The following POLR1A variants were observed in gnomAD, a reference collection of about 807,000 sequenced individuals.
The protein encoded by POLR1A is RNA polymerase I subunit A.
Under a neutral mutation model 205.3 loss-of-function variants are expected in POLR1A, and 84 were observed. That is an observed-to-expected ratio of 0.41 (90% CI 0.34 to 0.49). The LOEUF is 0.49. POLR1A is among the 20% of genes least tolerant of loss of function. The probability of loss-of-function intolerance (pLI) is 0.22; values close to 1 mark genes in which losing one functional copy is unlikely to be tolerated. For missense variants in POLR1A, 1,645 were observed against 2,204.5 expected (o/e 0.75, Z 5.08); for synonymous variants, 799 against 863.7 (o/e 0.93, Z 1.31).
intron 33 of POLR1A, 79 bp from the exon 34 acceptor site, chr2:86,027,602 A>G (rs1672292809): frequency 1.6e-6 from 2 of 1,284,796 alleles, no homozygotes; most frequent in Admixed American, 3.4e-5. Context: ...GGGGCTGAAC[A>G]CTGAAGTCTC....
chr2:86,036,800 A>C (rs1160867249), intron 27 of POLR1A, among the ~76,000 whole-genome samples: 1 of 152,226 alleles, frequency 6.6e-6, no homozygotes, highest in Non-Finnish European at 1.5e-5. Flanking sequence ...ACAGATTTTC[A>C]AGTTCACAAG....
chr2:86,100,851 G>C (rs1357561207), intron 1 of POLR1A, among the ~76,000 whole-genome samples: 1 of 152,108 alleles, frequency 6.6e-6, no homozygotes, highest in African/African-American at 2.4e-5. Context: ...GCATTATTTA[G>C]TCCTGATCTT....
At position 86,031,423 on chromosome 2, in the gene POLR1A, G is replaced by A. The variant is rs757460906; in HGVS notation, c.4485C>T (p.Pro1495=). ...KPTHSQEPQG[P]EAMERRVQAV... is the part of the protein sequence containing the mutation. ...CCTGGACCCGGCGCTCCATGGCCTCGGGCCCCTGGGGCTCCTGGCTGTGGG... is the reference window on the plus strand; with the variant it reads ...CCTGGACCCGGCGCTCCATGGCCTCAGGCCCCTGGGGCTCCTGGCTGTGGG... Residue 1495 remains proline, a synonymous_variant, in exon 30 of 34, where the codon CCC becomes CCT. Transcript: ENST00000263857. The A allele has an allele frequency of 1.2e-5, 19 of 1,613,702 alleles. No individual in the cohort carries two copies. The highest frequency in any genetic ancestry group is 5.5e-5 in the South Asian group (5 of 91,054).
intron 14 of POLR1A, among the ~76,000 whole-genome samples, chr2:86,059,309 A>G (rs945601802): frequency 6.6e-6 from 1 of 152,200 alleles, no homozygotes; most frequent in Non-Finnish European, 1.5e-5. Flanking sequence ...GGTCCCAATG[A>G]AAAAGCAGAC....
intron 14 of POLR1A, among the ~76,000 whole-genome samples, chr2:86,055,868 G>C (rs990656843): frequency 2.0e-5 from 3 of 152,154 alleles, no homozygotes; most frequent in African/African-American, 7.2e-5. Context: ...CTAAAGTCAG[G>C]ACCAAGACAA....
chr2:86,043,032 A>C lies in POLR1A; in HGVS notation c.3299T>G (p.Val1100Gly), dbSNP rs776350670. 1.9e-6 allele frequency: 3 copies of C among 1,614,152 alleles called. No individual in the cohort carries two copies. In the South Asian group the frequency reaches 3.3e-5, roughly 18 times the overall value. Residue 1100 changes from valine to glycine, a missense_variant, in exon 23 of 34, where the codon GTG (valine) becomes GGG (glycine). Physicochemically the swap from Val to Gly is moderately radical, Grantham distance 109. Around this residue, in one of 16 missense-constraint regions of POLR1A, gnomAD observed 201 missense variants for 222.3 expected, o/e 0.90. Coordinates refer to ENST00000263857, the MANE Select transcript of POLR1A (RefSeq NM_015425.6). ...LSYSQKIQEAVKALKLESENR... is the reference protein window; with the variant it reads ...LSYSQKIQEAGKALKLESENR... Reference sequence around the variant, plus strand: ...TTCACTCTCAAGTTTCAGGGCTTTCACAGCTTCCTGAATTTTCTGGGAATA... The same window carrying C: ...TTCACTCTCAAGTTTCAGGGCTTTCCCAGCTTCCTGAATTTTCTGGGAATA...
At chr2:86,092,171 T>C (rs1673618466) in intron 3 of POLR1A, among the ~76,000 whole-genome samples, 1 of 152,182 alleles carries the variant, frequency 6.6e-6, no homozygotes, top group African/African-American at 2.4e-5. Flanking sequence ...GTTGTGTTAT[T>C]AGGCAACACT....
chr2:86,053,750 C>G (rs926859264), intron 15 of POLR1A, among the ~76,000 whole-genome samples: 1 of 152,216 alleles, frequency 6.6e-6, no homozygotes, highest in Non-Finnish European at 1.5e-5. Flanking sequence ...ACAGCTCTCT[C>G]TGCCCTGGGC....
rs1553436048 is a variant in POLR1A at position 86,068,389 on chromosome 2, G to GGGGC, written c.1866+1628_1866+1629insGCCC. 4.2e-5 allele frequency among the ~76,000 whole-genome samples: 5 copies of GGGGC among 118,390 alleles called. 2 individuals are homozygous for GGGGC. Among genetic ancestry groups the GGGGC allele is most frequent in the Non-Finnish European group, 9.0e-5 (5 of 55,528 alleles). The allele number at this position is 118,390 out of a possible 152,430, so 77.7% of individuals were successfully genotyped here. Reference sequence around the variant, plus strand: ...CACGCACAGCCAAGCACATGGGCGGGGGGGGGGGGCGGGTGTCGTCCAAAG... The same window carrying GGGGC: ...CACGCACAGCCAAGCACATGGGCGGGGGGCGGGGGGGGGCGGGTGTCGTCCAAAG... On this transcript the variant is annotated intron_variant, in intron 13 of 33. Transcript: ENST00000263857.
Position 86,089,838 on chromosome 2 carries a change from C to A in POLR1A, c.524G>T (p.Gly175Val). 1.9e-6 allele frequency: 3 copies of A among 1,607,252 alleles called. No homozygotes were observed. Among genetic ancestry groups the A allele is most frequent in the Non-Finnish European group, 2.6e-6 (3 of 1,173,696 alleles). Residue 175 changes from glycine (G) to valine (V), a missense_variant, in exon 4 of 34, where the codon GGG becomes GTG. By Grantham distance (109) the Gly-to-Val change is moderately radical (BLOSUM62 -3). Transcript: ENST00000263857. Reference sequence around the variant, plus strand: ...TTAACTCACATGTGCGCCCTGGGACCCCAGGAGGTTGTTCTGCACAATTTC... The same window carrying A: ...TTAACTCACATGTGCGCCCTGGGACACCAGGAGGTTGTTCTGCACAATTTC... Reference protein sequence around the residue: ...TTEIVQNNLLGSQGAHVKNVC... With the variant: ...TTEIVQNNLLVSQGAHVKNVC...
In POLR1A at chr2:86,083,102, G is replaced by A. The variant is rs764135441; in HGVS notation, c.797C>T (p.Ser266Phe). The change falls in exon 7 of 34, where the codon TCT becomes TTT. Residue 266 changes from serine (S) to phenylalanine (F), a missense_variant. By Grantham distance (155) the Ser-to-Phe change is radical. Around this residue, in one of 16 missense-constraint regions of POLR1A, gnomAD observed 330 missense variants for 375.6 expected, o/e 0.88. Transcript: ENST00000263857. ...AGCACCTTCATTCTTCCACAGGGCAGAAAGGTGTTCGCGGGCACTGGTGGG... is the reference window on the plus strand; with the variant it reads ...AGCACCTTCATTCTTCCACAGGGCAAAAAGGTGTTCGCGGGCACTGGTGGG... ...LTPTSAREHLSALWKNEGFFL... is the reference protein window; with the variant it reads ...LTPTSAREHLFALWKNEGFFL... The A allele has an allele frequency of 2.0e-5, 32 of 1,613,586 alleles. No individual in the cohort carries two copies. Among genetic ancestry groups the A allele is most frequent in the Middle Eastern group, 1.6e-4 (1 of 6,084 alleles).
Position 86,070,236 on chromosome 2 carries a change from G to A in POLR1A, c.1648C>T (p.Leu550=). The part of the protein sequence containing the change: ...RHVKNGDILL[L]NRQPTLHRPS... ...CTGTGCAGTGTGGGCTGTCGGTTCA[G>A]TAGCAGAATGTCCCCATTCTTCACA... Residue 550 remains leucine, a synonymous_variant, in exon 13 of 34, where the codon CTG becomes TTG. Coordinates refer to ENST00000263857, the MANE Select transcript of POLR1A (RefSeq NM_015425.6). The surrounding 1 kb of genome is among the most constrained non-coding windows in gnomAD (Gnocchi z 4.4). 1 of 1,613,258 alleles carries A rather than the reference G, an allele frequency of 6.2e-7. No individual in the cohort carries two copies. Among genetic ancestry groups the A allele is most frequent in the Non-Finnish European group, 8.5e-7 (1 of 1,179,246 alleles).
chr2:86,045,500 C>T (rs769882593), intron 20 of POLR1A, 117 bp downstream of exon 20: 31 of 1,313,232 alleles, frequency 2.4e-5, no homozygotes, highest in Admixed American at 9.1e-5. Context: ...TTTTTGACCT[C>T]GACAGCTACA....
rs753541568 is a variant in POLR1A, at chr2:86,075,042, C to T, written c.1599G>A (p.Gln533=). 1.9e-6 allele frequency: 3 copies of T among 1,609,078 alleles called. No individual in the cohort carries two copies. Among genetic ancestry groups the T allele is most frequent in the South Asian group, 2.2e-5 (2 of 90,156 alleles). ...LTPATGAPKP[Q]GTKIVCRHVK... ...TGCCCTTACTCACAATTTTTGTCCC[C>T]TGGGGCTTAGGTGCCCCCGTGGCTG... Residue 533 remains glutamine (Q), a synonymous_variant, in exon 12 of 34, where the codon CAG becomes CAA. Coordinates refer to ENST00000263857, the MANE Select transcript of POLR1A (RefSeq NM_015425.6).
chr2:86,031,884 GGT>G (rs1411194697), intron 29 of POLR1A, among the ~76,000 whole-genome samples: 1 of 152,176 alleles, frequency 6.6e-6, no homozygotes, highest in Non-Finnish European at 1.5e-5. Flanking sequence ...AGCCCTCACT[GGT>G]GTACCTGCTC....
chr2:86,046,628 G>A (rs1376158676), intron 19 of POLR1A, among the ~76,000 whole-genome samples: 2 of 152,092 alleles, frequency 1.3e-5, no homozygotes, highest in East Asian at 1.9e-4. Flanking sequence ...GGCAGATCAC[G>A]AGGTCAAGAG....
chr2:86,053,252 AC>A (rs1391530993), intron 15 of POLR1A, among the ~76,000 whole-genome samples: 1 of 151,924 alleles, frequency 6.6e-6, no homozygotes, highest in African/African-American at 2.4e-5. Flanking sequence ...CAGGGACTAT[AC>A]CACAGAGACA....
At chr2:86,043,270 G>T in intron 22 of POLR1A, 75 bp from the exon 23 acceptor site, 2 of 1,252,038 alleles carry the variant, frequency 1.6e-6, no homozygotes, top group South Asian at 1.3e-5. Context: ...TGACAAGAGG[G>T]CCATGGAGCA....
chr2:86,099,382 C>A (rs1573838657), intron 2 of POLR1A, among the ~76,000 whole-genome samples: 1 of 151,044 alleles, frequency 6.6e-6, no homozygotes, highest in African/African-American at 2.4e-5. Flanking sequence ...AGACACTTCT[C>A]TTTAACACGA....
Sources: gnomAD v4.1 joint callset for allele counts (sites outside exome capture counted in the v4.1 genomes callset) on GRCh38, gnomAD v4.1.1 for gene constraint, gnomAD v4.1.1 regional missense constraint, Gnocchi (gnomAD v3.1) non-coding constraint, MANE v1.5 for transcripts, NCBI Gene and HGNC (gene_info 2026-07-23, HGNC 2026-07-21) for gene names.